Variants in SLC25A48 observed in about 807,000 individuals in gnomAD.
SLC25A48 encodes CTC-321K16.1.
A neutral mutation model predicts 32.2 loss-of-function variants in SLC25A48; 29 were observed. That is an observed-to-expected ratio of 0.90 (90% CI 0.67 to 1.23). The LOEUF is 1.23. Ranked by LOEUF, SLC25A48 falls within the 50% of genes most tolerant of loss-of-function variation. The pLI is 0.00. For missense variants in SLC25A48, 399 were observed against 422.7 expected (o/e 0.94, Z 0.49); for synonymous variants, 164 against 172.3 (o/e 0.95, Z 0.38).
intron 3 of SLC25A48, among the ~76,000 whole-genome samples, chr5:135,661,129 T>C (rs955340004): frequency 7.7e-4 from 118 of 152,326 alleles, no homozygotes; most frequent in African/African-American, 2.7e-3. Flanking sequence ...ATCTTAGTGC[T>C]GCTTCCTACA....
intron 4 of SLC25A48, among the ~76,000 whole-genome samples, chr5:135,861,335 A>G (rs1760777905): frequency 6.6e-6 from 1 of 152,034 alleles, no homozygotes; most frequent in Non-Finnish European, 1.5e-5. Context: ...ACACACACAC[A>G]CACACACTGA....
At chr5:135,716,704 T>G (rs1054810191) in intron 3 of SLC25A48, among the ~76,000 whole-genome samples, 1 of 152,208 alleles carries the variant, frequency 6.6e-6, no homozygotes, top group African/African-American at 2.4e-5. Context: ...ATTCTATCTA[T>G]GTAAAAGGTC....
intron 3 of SLC25A48, among the ~76,000 whole-genome samples, chr5:135,709,244 G>T (rs1418984748): frequency 6.6e-6 from 1 of 152,218 alleles, no homozygotes; most frequent in East Asian, 1.9e-4. Flanking sequence ...CTGAGAACTG[G>T]CCTGCCTCTG....
At chr5:135,850,325 G>A (rs1019689486) in intron 2 of SLC25A48, 100 bp from the exon 3 acceptor site, 19 of 1,190,680 alleles carry the variant, frequency 1.6e-5, no homozygotes, top group South Asian at 3.9e-5. Flanking sequence ...CTTTGCTGGC[G>A]GGGGTCACTA....
chr5:135,669,864 G>A (rs12519253), intron 3 of SLC25A48, among the ~76,000 whole-genome samples: 5,735 of 152,270 alleles, frequency 0.038, 135 homozygotes, highest in African/African-American at 0.067. Flanking sequence ...CCCCTCCTAT[G>A]CTGAGGAGGC....
intron 1 of SLC25A48, among the ~76,000 whole-genome samples, chr5:135,595,215 CT>C (rs2126879252): frequency 6.6e-6 from 1 of 152,336 alleles, no homozygotes; most frequent in South Asian, 2.1e-4. Flanking sequence ...CATGCAGCCC[CT>C]GTCACTTGCT....
intron 3 of SLC25A48, among the ~76,000 whole-genome samples, chr5:135,798,503 C>T (rs1433669184): frequency 2.0e-5 from 3 of 151,130 alleles, no homozygotes; most frequent in Admixed American, 6.6e-5. Context: ...TACTAATAAC[C>T]GGGGGGGAGA....
chr5:135,882,999 C>A (rs1762587370), intron 7 of SLC25A48: 2 of 980,430 alleles, frequency 2.0e-6, no homozygotes, highest in African/African-American at 3.5e-5. Context: ...TTGTTTGACC[C>A]CAAGATCCAA....
intron 4 of SLC25A48, among the ~76,000 whole-genome samples, chr5:135,869,447 A>C (rs1448876155): frequency 6.6e-6 from 1 of 152,222 alleles, no homozygotes; most frequent in Non-Finnish European, 1.5e-5. Flanking sequence ...TTTGTTGACA[A>C]GGCCAGTTGG....
At chr5:135,789,762 G>A (rs1756973285) in intron 3 of SLC25A48, among the ~76,000 whole-genome samples, 1 of 151,892 alleles carries the variant, frequency 6.6e-6, no homozygotes, top group Non-Finnish European at 1.5e-5. Flanking sequence ...ATTACTTCTC[G>A]ATTGTACCTT....
intron 3 of SLC25A48, chr5:135,648,702 G>T (rs1360587068): frequency 1.3e-5 from 2 of 152,246 alleles, no homozygotes; most frequent in Admixed American, 1.3e-4. Flanking sequence ...TTATAGGAAA[G>T]TTTACTTGAA....
intron 3 of SLC25A48, among the ~76,000 whole-genome samples, chr5:135,771,369 T>C (rs1756405750): frequency 6.6e-6 from 1 of 151,302 alleles, no homozygotes; most frequent in South Asian, 2.1e-4. Context: ...CAGTGGGGGA[T>C]AGAGTGTATT....
chr5:135,848,951 A>T (rs143514696), intron 2 of SLC25A48, among the ~76,000 whole-genome samples: 2 of 152,362 alleles, frequency 1.3e-5, no homozygotes, highest in East Asian at 3.9e-4. Flanking sequence ...GGTGGGTCCA[A>T]TGAAGCTTTA....
chr5:135,733,173 AG>A (rs1228514789), intron 3 of SLC25A48, among the ~76,000 whole-genome samples: 1 of 152,130 alleles, frequency 6.6e-6, no homozygotes, highest in Non-Finnish European at 1.5e-5. Context: ...GAGGTAATGG[AG>A]GGGGGCAGAG....
chr5:135,744,249 T>C (rs965921292), intron 3 of SLC25A48, among the ~76,000 whole-genome samples: 4 of 152,204 alleles, frequency 2.6e-5, no homozygotes, highest in Admixed American at 1.3e-4. Flanking sequence ...CAGACATTTC[T>C]GTGTTTTCCA....
intron 4 of SLC25A48, among the ~76,000 whole-genome samples, chr5:135,859,458 C>G (rs1315443951): frequency 6.6e-6 from 1 of 152,188 alleles, no homozygotes; most frequent in Non-Finnish European, 1.5e-5. Flanking sequence ...AGCTACAATT[C>G]AAGATGAGAT....
chr5:135,633,284 G>C (rs1000614959), intron 2 of SLC25A48, among the ~76,000 whole-genome samples: 1 of 145,906 alleles, frequency 6.9e-6, no homozygotes. Flanking sequence ...CATTGCTAGG[G>C]ACTGAATTGT....
At chr5:135,734,192 G>A (rs755194257) in intron 3 of SLC25A48, among the ~76,000 whole-genome samples, 1 of 152,074 alleles carries the variant, frequency 6.6e-6, no homozygotes, top group Non-Finnish European at 1.5e-5. Context: ...GGAGGGAGTG[G>A]AGGTGTCCCA....
At chr5:135,833,100 T>C (rs954398809), upstream of SLC25A48, among the ~76,000 whole-genome samples, 2 of 152,246 alleles carry the variant, frequency 1.3e-5, no homozygotes, top group Non-Finnish European at 2.9e-5. Context: ...CCATGGTTGC[T>C]GGTAAACCTA....
Sources: allele counts gnomAD v4.1 joint callset (sites outside exome capture counted in the v4.1 genomes callset), GRCh38; gene constraint gnomAD v4.1.1; transcripts MANE v1.5; gene names NCBI Gene and HGNC (gene_info 2026-07-23, HGNC 2026-07-21).